The following SPIDR variants were observed in gnomAD, a reference collection of about 807,000 sequenced individuals.
SPIDR encodes the protein DNA repair-scaffolding protein.
Under a neutral mutation model 104.6 loss-of-function variants are expected in SPIDR, and 93 were observed. The observed-to-expected ratio is 0.89, with a 90% CI of 0.75 to 1.06. SPIDR has a LOEUF of 1.06. Ranked by LOEUF, SPIDR falls within the 50% of genes least tolerant of loss-of-function variation. The probability of loss-of-function intolerance (pLI) is 0.00; values close to 1 mark genes in which losing one functional copy is unlikely to be tolerated. For synonymous variants in SPIDR, 431 were observed against 416.9 expected (o/e 1.03, Z -0.41); for missense variants, 1,154 against 1,111.2 (o/e 1.04, Z -0.55).
At chr8:47,721,620 T>G (rs1383023847) in intron 16 of SPIDR, among the ~76,000 whole-genome samples, 2 of 151,878 alleles carry the variant, frequency 1.3e-5, no homozygotes, top group African/African-American at 4.8e-5. Context: ...TACAGGCACC[T>G]GCCACCATGC....
At chr8:47,576,247 G>A (rs1050949051) in intron 8 of SPIDR, among the ~76,000 whole-genome samples, 1 of 151,908 alleles carries the variant, frequency 6.6e-6, no homozygotes, top group African/African-American at 2.4e-5. Context: ...CGCCTCCGGG[G>A]TTCAAGCAGT....
chr8:47,299,327 C>T (rs1390397180), intron 5 of SPIDR, among the ~76,000 whole-genome samples: 4 of 152,110 alleles, frequency 2.6e-5, no homozygotes, highest in Non-Finnish European at 5.9e-5. Context: ...CTGAAGTTGC[C>T]TGTCAGCTTA....
chr8:47,341,538 G>C (rs1031945036), intron 5 of SPIDR, among the ~76,000 whole-genome samples: 2 of 151,978 alleles, frequency 1.3e-5, no homozygotes, highest in African/African-American at 2.4e-5. Flanking sequence ...TCCATTTTCT[G>C]TTCCATTTTC....
intron 8 of SPIDR, among the ~76,000 whole-genome samples, chr8:47,539,572 G>T (rs2087690926): frequency 1.3e-5 from 2 of 151,926 alleles, no homozygotes; most frequent in African/African-American, 4.8e-5. Flanking sequence ...GTCCTTTTTG[G>T]TGGTTTTTCT....
chr8:47,529,952 T>C (rs565110457), intron 8 of SPIDR, among the ~76,000 whole-genome samples: 23 of 152,268 alleles, frequency 1.5e-4, no homozygotes, highest in African/African-American at 5.5e-4. Context: ...GGAAGTACAA[T>C]CATATATCAC....
Position 47,387,226 on chromosome 8 carries a change from C to A in SPIDR, c.526-9150C>A, listed in dbSNP as rs535738106. On this transcript the variant is annotated intron_variant, in intron 5 of 19. Transcript: ENST00000297423. The stretch of plus-strand genomic sequence containing the variant: ...GAAGCGCTGGGGAGCAGCGAGGAGG[C>A]AGACAGCTATGAATGGAGGCCTGGT... Among the ~76,000 whole-genome samples, 3 of 152,302 alleles carry A rather than the reference C, an allele frequency of 2.0e-5. No individual in the cohort carries two copies. The South Asian group carries it at 6.2e-4, about 32-fold the overall frequency.
chr8:47,299,043 G>A (rs1277768739), intron 5 of SPIDR, among the ~76,000 whole-genome samples: 18 of 152,106 alleles, frequency 1.2e-4, no homozygotes, highest in Admixed American at 2.0e-4. Flanking sequence ...ATTACCTTGG[G>A]CAGTGTGGCC....
intron 5 of SPIDR, among the ~76,000 whole-genome samples, chr8:47,312,478 G>A (rs1394319724): frequency 6.6e-6 from 1 of 152,166 alleles, no homozygotes; most frequent in Admixed American, 6.5e-5. Context: ...CAGTGATGGT[G>A]AGCATTTTTT....
intron 10 of SPIDR, among the ~76,000 whole-genome samples, chr8:47,668,516 G>A (rs532169047): frequency 3.3e-5 from 5 of 150,822 alleles, no homozygotes; most frequent in Non-Finnish European, 7.4e-5. Flanking sequence ...CCCTAACTGG[G>A]TGAAGGACAT....
At chr8:47,339,679 CTTT>C (rs199765975) in intron 5 of SPIDR, among the ~76,000 whole-genome samples, 7 of 135,866 alleles carry the variant, frequency 5.2e-5, no homozygotes, top group Non-Finnish European at 4.8e-5. Context: ...TGTTTACAAT[CTTT>C]TTTTTTTTTT....
At chr8:47,460,720 T>G (rs2073799523) in intron 8 of SPIDR, among the ~76,000 whole-genome samples, 1 of 152,190 alleles carries the variant, frequency 6.6e-6, no homozygotes, top group South Asian at 2.1e-4. Context: ...CCTTGGTGGC[T>G]TTTTTAATTA....
At chr8:47,684,149 AAAC>A (rs1250704811) in intron 11 of SPIDR, among the ~76,000 whole-genome samples, 20 of 151,514 alleles carry the variant, frequency 1.3e-4, no homozygotes, top group African/African-American at 4.8e-4. Flanking sequence ...AAAAAAAAAA[AAAC>A]CTGATTAATA....
chr8:47,676,111 C>A (rs2076415142), intron 11 of SPIDR, among the ~76,000 whole-genome samples: 1 of 152,222 alleles, frequency 6.6e-6, no homozygotes, highest in African/African-American at 2.4e-5. Context: ...AGGTCCTGTT[C>A]TTTCACCATT....
chr8:47,735,281 A>T, intron 19 of SPIDR, 26 bp from the exon 20 acceptor site: 4 of 1,612,248 alleles, frequency 2.5e-6, no homozygotes, highest in Non-Finnish European at 3.4e-6. Flanking sequence ...TGTTTGCTTT[A>T]ACCAGCGTGC....
At chr8:47,628,006 G>A (rs1363351449) in intron 10 of SPIDR, among the ~76,000 whole-genome samples, 1 of 152,188 alleles carries the variant, frequency 6.6e-6, no homozygotes, top group Non-Finnish European at 1.5e-5. Context: ...ACCACTGACT[G>A]TGTTTACATG....
intron 10 of SPIDR, among the ~76,000 whole-genome samples, chr8:47,658,777 A>G (rs2073452034): frequency 6.6e-6 from 1 of 151,732 alleles, no homozygotes; most frequent in South Asian, 2.1e-4. Context: ...TCTACTAAAA[A>G]TACAAAAAAT....
chr8:47,335,452 G>C (rs1360235638), intron 5 of SPIDR, among the ~76,000 whole-genome samples: 1 of 151,920 alleles, frequency 6.6e-6, no homozygotes, highest in Non-Finnish European at 1.5e-5. Flanking sequence ...TTGTTTGTTT[G>C]TTTTGGTTTC....
At chr8:47,484,524 C>T (rs2077277491) in intron 8 of SPIDR, among the ~76,000 whole-genome samples, 1 of 152,222 alleles carries the variant, frequency 6.6e-6, no homozygotes, top group African/African-American at 2.4e-5. Context: ...CACAGTGACA[C>T]TGGTCCCTTA....
intron 5 of SPIDR, among the ~76,000 whole-genome samples, chr8:47,309,896 G>A (rs191482855): frequency 1.4e-4 from 21 of 151,816 alleles, no homozygotes; most frequent in Non-Finnish European, 2.1e-4. Flanking sequence ...AAAATTAGCC[G>A]GACATGGTGG....
Sources: gnomAD v4.1 joint callset for allele counts (sites outside exome capture counted in the v4.1 genomes callset) on GRCh38, gnomAD v4.1.1 for gene constraint, MANE v1.5 for transcripts, NCBI Gene and HGNC (gene_info 2026-07-23, HGNC 2026-07-21) for gene names.